ADCY10: variants seen among roughly 807,000 people sequenced by gnomAD.
The protein encoded by ADCY10 is adenylate cyclase 10, also known as adenylate cyclase type 10.
In ADCY10, 156 loss-of-function variants were observed where a neutral mutation model predicts 183.3. The ratio of observed to expected loss-of-function variants is 0.85; its 90% CI spans 0.75 to 0.97. The LOEUF (loss-of-function observed/expected upper bound fraction) is 0.97, where lower values mean the gene tolerates loss of function less well. Among genes scored for constraint, ADCY10 ranks in the 50% least tolerant of loss-of-function variants. The pLI is 0.00. For missense variants in ADCY10, 1,745 were observed against 1,934.3 expected, an observed-to-expected ratio of 0.90 and a Z score of 1.84; for synonymous variants, 645 against 670.0, an observed-to-expected ratio of 0.96 and a Z score of 0.58.
intron 31 of ADCY10, among the ~76,000 whole-genome samples, chr1:167,811,700 A>C (rs1662222277): frequency 6.6e-6 from 1 of 152,224 alleles, no homozygotes; most frequent in Non-Finnish European, 1.5e-5. Flanking sequence ...GGAGAGACAA[A>C]CAGATGGAGA....
intron 21 of ADCY10, among the ~76,000 whole-genome samples, chr1:167,838,688 T>G (rs1017992231): frequency 6.6e-6 from 1 of 152,226 alleles, no homozygotes; most frequent in Non-Finnish European, 1.5e-5. Context: ...GGATTTCCAT[T>G]TTATATATCT....
chr1:167,839,795 G>A (rs1664479648), intron 21 of ADCY10, among the ~76,000 whole-genome samples: 1 of 152,114 alleles, frequency 6.6e-6, no homozygotes, highest in South Asian at 2.1e-4. Context: ...GAATATCTAG[G>A]TCACTTCCTG....
In ADCY10 at chr1:167,901,745, A is replaced by G. The variant is rs1571454870; in HGVS notation, c.353T>C (p.Val118Ala). The change falls in exon 5 of 33, where the codon GTG (valine) becomes GCG (alanine). Residue 118 changes from valine to alanine, a missense_variant. Physicochemically the swap from Val to Ala is moderately conservative, Grantham distance 64. Transcript: ENST00000367851. ...ERKQLKNIIT[V>A]VIKCSLEIHG... ...GATCTCCAGGCTACATTTAATTACC[A>G]CTGTGATAATGTTTTTCAGCTGCTT... 4 of 1,614,112 alleles carry G rather than the reference A, an allele frequency of 2.5e-6. No homozygotes were observed. The East Asian group carries it at 8.9e-5, about 36-fold the overall frequency.
chr1:167,845,562 CT>C lies in ADCY10; in HGVS notation c.3007del (p.Thr1003LeufsTer28), dbSNP rs1558177664. ...GATAATTTTAAAATGAAGTAGGTTA[CT>C]TTTAAATCCATGAGACATAGCCATC... is the stretch of plus-strand genomic sequence containing the variant. Reference protein sequence around the residue: ...KKMAMSHGFKTEEKLILSNSE... With the variant: ...KKMAMSHGFKXEEKLILSNSE... On this transcript the variant is annotated frameshift_variant and splice_region_variant, in exon 21 of 33. Transcript: ENST00000367851. LOFTEE classifies it high-confidence loss of function. 6.8e-6 allele frequency: 11 copies of C among 1,613,976 alleles called. No individual in the cohort carries two copies. Among genetic ancestry groups the C allele is most frequent in the Non-Finnish European group, 9.3e-6 (11 of 1,179,830 alleles).
intron 1 of ADCY10, among the ~76,000 whole-genome samples, chr1:167,912,728 G>A (rs1007713800): frequency 6.6e-6 from 1 of 152,114 alleles, no homozygotes; most frequent in Non-Finnish European, 1.5e-5. Context: ...CACTCCACAT[G>A]TGTCTGTGTC....
intron 25 of ADCY10, among the ~76,000 whole-genome samples, chr1:167,832,414 T>A (rs972883070): frequency 6.6e-6 from 1 of 152,170 alleles, no homozygotes; most frequent in Non-Finnish European, 1.5e-5. Context: ...CCACTCATTA[T>A]TATTATAGTT....
chr1:167,866,511 A>T (rs1666698594), intron 14 of ADCY10, among the ~76,000 whole-genome samples: 1 of 144,786 alleles, frequency 6.9e-6, no homozygotes, highest in Admixed American at 6.9e-5. Context: ...GACCTGACGA[A>T]AGTGCACACT....
At chr1:167,833,566 T>G (rs1208873486) in intron 24 of ADCY10, among the ~76,000 whole-genome samples, 1 of 151,996 alleles carries the variant, frequency 6.6e-6, no homozygotes, top group Non-Finnish European at 1.5e-5. Flanking sequence ...GCCAACATGG[T>G]GAAACCCCAT....
In ADCY10 at chr1:167,869,351, C is replaced by T. The variant is rs191874698; in HGVS notation, c.1616+906G>A. Among the ~76,000 whole-genome samples, 493 of 152,282 alleles carry T rather than the reference C, an allele frequency of 3.2e-3. 4 individuals carry two copies. The highest frequency in any genetic ancestry group is 0.012 in the African/African-American group (482 of 41,550). On this transcript the variant is annotated intron_variant, in intron 14 of 32. Coordinates refer to ENST00000367851, the MANE Select transcript of ADCY10 (RefSeq NM_018417.6). ...TATATGAATCACTATCAATCTATTGCACAAGAAGGCATAAGTGGCAAAAAT... is the reference window on the plus strand; with the variant it reads ...TATATGAATCACTATCAATCTATTGTACAAGAAGGCATAAGTGGCAAAAAT...
chr1:167,851,270 T>C (rs1176732880), intron 18 of ADCY10, among the ~76,000 whole-genome samples: 1 of 152,088 alleles, frequency 6.6e-6, no homozygotes, highest in Admixed American at 6.6e-5. Context: ...TGCTGCAGCC[T>C]CAACCTCCCT....
At chr1:167,811,236 A>G (rs865777802) in intron 31 of ADCY10, among the ~76,000 whole-genome samples, 4 of 152,276 alleles carry the variant, frequency 2.6e-5, no homozygotes, top group African/African-American at 9.6e-5. Flanking sequence ...AGGAAAAAAA[A>G]TTGGCCATTT....
intron 8 of ADCY10, among the ~76,000 whole-genome samples, chr1:167,887,192 C>A (rs1314816418): frequency 6.6e-6 from 1 of 152,198 alleles, no homozygotes; most frequent in Non-Finnish European, 1.5e-5. Flanking sequence ...CATCCCATTA[C>A]TGGGTATGTA....
chr1:167,890,739 T>C (rs947874552), intron 8 of ADCY10, among the ~76,000 whole-genome samples: 1 of 152,168 alleles, frequency 6.6e-6, no homozygotes, highest in Non-Finnish European at 1.5e-5. Flanking sequence ...TAGCATGCTA[T>C]GTAATTCAAA....
intron 30 of ADCY10, chr1:167,821,360 T>C (rs1002307916): frequency 5.2e-5 from 8 of 153,946 alleles, no homozygotes; most frequent in African/African-American, 1.9e-4. Flanking sequence ...ACCAGAACTC[T>C]TTCCCCGCTT....
chr1:167,834,142 T>C, intron 23 of ADCY10, 65 bp from the exon 24 acceptor site: 4 of 1,234,016 alleles, frequency 3.2e-6, no homozygotes, highest in Non-Finnish European at 2.4e-6. Context: ...AGAAGGGCCA[T>C]TGCCCCAGAC....
chr1:167,860,877 A>G lies in ADCY10; in HGVS notation c.1803T>C (p.His601=), dbSNP rs527427998. ...TATAATACTAGCTAGTTACCTGAAC[A>G]TGGAAAATGTCATTAAGAAGACAGT... is the stretch of plus-strand genomic sequence containing the variant. ...KFYCLLNDIF[H]VQFPISREIS... The change falls in exon 15 of 33, where the codon CAT becomes CAC. Residue 601 remains histidine, a synonymous_variant. Transcript: ENST00000367851. The G allele has an allele frequency of 1.9e-6, 3 of 1,614,028 alleles. No homozygotes were observed. The highest frequency in any genetic ancestry group is 1.1e-5 in the South Asian group (1 of 91,060).
At chr1:167,860,308 A>C (rs1446073404) in intron 15 of ADCY10, among the ~76,000 whole-genome samples, 1 of 152,132 alleles carries the variant, frequency 6.6e-6, no homozygotes, top group East Asian at 1.9e-4. Context: ...CATGCAACCT[A>C]GGTCCCTTGC....
At chr1:167,870,951 T>G (rs1490319913) in intron 13 of ADCY10, among the ~76,000 whole-genome samples, 1 of 152,148 alleles carries the variant, frequency 6.6e-6, no homozygotes, top group African/African-American at 2.4e-5. Flanking sequence ...TTAGAAGCTG[T>G]GAGAGAAAGT....
intron 18 of ADCY10, among the ~76,000 whole-genome samples, chr1:167,851,286 A>C (rs961443212): frequency 6.6e-6 from 1 of 152,080 alleles, no homozygotes; most frequent in African/African-American, 2.4e-5. Context: ...TCCCTGGCTC[A>C]AGCAATCCTC....
Sources: gnomAD v4.1 joint callset for allele counts (sites outside exome capture counted in the v4.1 genomes callset) on GRCh38, gnomAD v4.1.1 for gene constraint, MANE v1.5 for transcripts, NCBI Gene and HGNC (gene_info 2026-07-23, HGNC 2026-07-21) for gene names.